PDE4B: variants seen among roughly 807,000 people sequenced by gnomAD.
The protein encoded by PDE4B is 3',5'-cyclic-AMP phosphodiesterase 4B.
PDE4B carries 20 observed loss-of-function variants against 82.2 expected under a neutral mutation model. That is an observed-to-expected ratio of 0.24 (90% CI 0.17 to 0.35). The LOEUF is 0.35. Among genes scored for constraint, PDE4B ranks in the 10% least tolerant of loss-of-function variants. The pLI is 1.00. For synonymous variants in PDE4B, 320 were observed against 318.9 expected (o/e 1.00, Z -0.04); for missense variants, 655 against 907.2 (o/e 0.72, Z 3.57).
At chr1:65,937,061 A>T (rs1648190375) in intron 3 of PDE4B, among the ~76,000 whole-genome samples, 1 of 152,226 alleles carries the variant, frequency 6.6e-6, no homozygotes, top group Admixed American at 6.5e-5. Flanking sequence ...GGACTCTTTC[A>T]TAAGAAACAG....
intron 3 of PDE4B, among the ~76,000 whole-genome samples, chr1:66,160,487 A>G (rs1371441696): frequency 1.3e-5 from 2 of 152,206 alleles, no homozygotes; most frequent in African/African-American, 2.4e-5. Context: ...ACGTGGCTAC[A>G]TGAGATTAAA....
chr1:65,981,996 G>A (rs569853530), intron 3 of PDE4B, among the ~76,000 whole-genome samples: 1 of 152,244 alleles, frequency 6.6e-6, no homozygotes, highest in African/African-American at 2.4e-5. Context: ...TTACCAAGAA[G>A]TACTAAGGTA....
intron 7 of PDE4B, among the ~76,000 whole-genome samples, chr1:66,310,293 G>A (rs570319255): frequency 1.3e-5 from 2 of 152,276 alleles, no homozygotes; most frequent in South Asian, 2.1e-4. Context: ...TTTAGAGTGA[G>A]CTGGTGATAA....
At chr1:65,905,378 C>T (rs940590771) in intron 1 of PDE4B, among the ~76,000 whole-genome samples, 20 of 152,082 alleles carry the variant, frequency 1.3e-4, no homozygotes, top group African/African-American at 3.9e-4. Flanking sequence ...ATACACTCTA[C>T]ATCCAGTCGA....
chr1:66,198,246 A>G (rs1477588742), intron 3 of PDE4B, among the ~76,000 whole-genome samples: 2 of 151,750 alleles, frequency 1.3e-5, no homozygotes, highest in East Asian at 1.9e-4. Context: ...ATAAAAATCT[A>G]CTCTTCTGAG....
intron 3 of PDE4B, among the ~76,000 whole-genome samples, chr1:66,247,015 GAAGAAGTCTTCCAGAC>G (rs1653366222): frequency 6.6e-6 from 1 of 152,138 alleles, no homozygotes. Context: ...TTCATGACAG[GAAGAAGTCTTCCAGAC>G]AGGAAGACTT....
At chr1:65,860,333 G>T (rs190286196) in intron 1 of PDE4B, among the ~76,000 whole-genome samples, 170 of 152,256 alleles carry the variant, frequency 1.1e-3, no homozygotes, top group Non-Finnish European at 2.2e-3. Context: ...TTGCTGAGAA[G>T]GATGGTTTCC....
chr1:65,946,755 T>C lies in PDE4B; in HGVS notation c.281+27920T>C, dbSNP rs1005843726. The stretch of plus-strand genomic sequence containing the variant: ...TGGTGCAAGCAAGAGTCCTGGACCT[T>C]ATGCAGACCCATTTGTTGCCTGGGG... On this transcript the variant is annotated intron_variant, in intron 3 of 16. Coordinates refer to ENST00000341517, the MANE Select transcript of PDE4B (RefSeq NM_002600.4). Among the ~76,000 whole-genome samples the C allele has an allele frequency of 2.6e-5, 4 of 152,120 alleles. No homozygotes were observed. The South Asian group carries it at 8.3e-4, about 32-fold the overall frequency.
intron 3 of PDE4B, among the ~76,000 whole-genome samples, chr1:66,164,431 G>A (rs1646678361): frequency 6.6e-6 from 1 of 151,084 alleles, no homozygotes; most frequent in African/African-American, 2.4e-5. Context: ...AGCTACTCGG[G>A]AGGCTGAGGC....
intron 3 of PDE4B, among the ~76,000 whole-genome samples, chr1:66,041,342 C>A (rs566134454): frequency 4.5e-4 from 68 of 152,066 alleles, no homozygotes; most frequent in Middle Eastern, 3.4e-3. Context: ...TGATCACTTT[C>A]TTTGTATTGA....
intron 3 of PDE4B, among the ~76,000 whole-genome samples, chr1:66,176,870 T>G (rs1183582236): frequency 6.6e-6 from 1 of 152,242 alleles, no homozygotes; most frequent in Non-Finnish European, 1.5e-5. Context: ...GAACACTTAT[T>G]GAGAGTGCTA....
chr1:65,923,508 A>G (rs1410123293), intron 3 of PDE4B, among the ~76,000 whole-genome samples: 1 of 151,988 alleles, frequency 6.6e-6, no homozygotes, highest in Admixed American at 6.5e-5. Context: ...TCACCGTTTG[A>G]TTTGGATTTT....
At chr1:66,187,360 G>T (rs1213395817) in intron 3 of PDE4B, among the ~76,000 whole-genome samples, 1 of 151,998 alleles carries the variant, frequency 6.6e-6, no homozygotes, top group East Asian at 1.9e-4. Context: ...AATGCATTAG[G>T]GAGGATTCCC....
intron 8 of PDE4B, among the ~76,000 whole-genome samples, chr1:66,336,243 G>A (rs938155538): frequency 3.9e-5 from 6 of 152,244 alleles, no homozygotes; most frequent in African/African-American, 1.2e-4. Context: ...CCTGACAGAC[G>A]CAGTCAGTAA....
At chr1:66,260,134 C>T (rs543614910) in intron 6 of PDE4B, among the ~76,000 whole-genome samples, 132 of 152,258 alleles carry the variant, frequency 8.7e-4, no homozygotes, top group African/African-American at 3.0e-3. Flanking sequence ...CTGTTGTCAG[C>T]TTAGATCACC....
intron 3 of PDE4B, among the ~76,000 whole-genome samples, chr1:66,093,251 G>T (rs1441342866): frequency 6.6e-6 from 1 of 152,022 alleles, no homozygotes; most frequent in Non-Finnish European, 1.5e-5. Context: ...TGGTAATGGG[G>T]TGGGGTGGAG....
At chr1:65,933,446 A>G (rs1647948999) in intron 3 of PDE4B, among the ~76,000 whole-genome samples, 1 of 152,232 alleles carries the variant, frequency 6.6e-6, no homozygotes, top group South Asian at 2.1e-4. Context: ...TAATCCCAGC[A>G]TTTTGGGAGG....
chr1:66,162,403 C>T (rs1356477961), intron 3 of PDE4B, among the ~76,000 whole-genome samples: 1 of 135,702 alleles, frequency 7.4e-6, no homozygotes, highest in Admixed American at 8.3e-5. Flanking sequence ...GAGTCAATTC[C>T]ATACTCCTGT....
chr1:66,374,515 T>G lies in PDE4B; in HGVS notation c.*1837T>G, dbSNP rs1038341777. 2 of 152,670 alleles carry G rather than the reference T, an allele frequency of 1.3e-5. No individual in the cohort carries two copies. Among genetic ancestry groups the G allele is most frequent in the Admixed American group, 1.3e-4 (2 of 15,282 alleles). The allele number at this position is 152,670 out of a possible 1,614,324, so 9.5% of individuals were successfully genotyped here. A position where few individuals can be genotyped will look rare whatever the true frequency, so the allele number is the denominator to read the frequency against. On this transcript the variant is annotated 3_prime_UTR_variant, in exon 17 of 17. Transcript: ENST00000341517. ...ATGTTATAGTATTATTATTATATATTGTGTTCAAATGCATTCTAAAGAGAC... is the reference window on the plus strand; with the variant it reads ...ATGTTATAGTATTATTATTATATATGGTGTTCAAATGCATTCTAAAGAGAC...
Sources: gnomAD v4.1 joint callset for allele counts (sites outside exome capture counted in the v4.1 genomes callset) on GRCh38, gnomAD v4.1.1 for gene constraint, MANE v1.5 for transcripts, NCBI Gene and HGNC (gene_info 2026-07-23, HGNC 2026-07-21) for gene names.